INPP4B: variants seen among roughly 807,000 people sequenced by gnomAD.
INPP4B encodes inositol polyphosphate-4-phosphatase type II B.
Under a neutral mutation model 122.5 loss-of-function variants are expected in INPP4B, and 55 were observed. That is an observed-to-expected ratio of 0.45 (90% CI 0.36 to 0.56). The LOEUF is 0.56. Ranked by LOEUF, INPP4B falls within the 20% of genes least tolerant of loss-of-function variation. INPP4B has a pLI of 0.00. For synonymous variants in INPP4B, 403 were observed against 388.7 expected, an observed-to-expected ratio of 1.04 and a Z score of -0.43; for missense variants, 1,000 against 1,097.7, an observed-to-expected ratio of 0.91 and a Z score of 1.26.
At chr4:142,292,778 G>A (rs1192403136) in intron 9 of INPP4B, among the ~76,000 whole-genome samples, 1 of 152,086 alleles carries the variant, frequency 6.6e-6, no homozygotes, top group Non-Finnish European at 1.5e-5. Context: ...ATTTACGTGT[G>A]TGAACATAGG....
At chr4:142,315,141 A>T (rs1307885183) in intron 7 of INPP4B, among the ~76,000 whole-genome samples, 5 of 152,214 alleles carry the variant, frequency 3.3e-5, no homozygotes, top group Non-Finnish European at 5.9e-5. Context: ...GAAATGATAA[A>T]TGTTTGAAAT....
At chr4:142,414,085 G>A (rs1805169100) in intron 5 of INPP4B, among the ~76,000 whole-genome samples, 3 of 152,068 alleles carry the variant, frequency 2.0e-5, no homozygotes, top group Admixed American at 1.3e-4. Flanking sequence ...TGAGATTTGA[G>A]CATCATTGCT....
At chr4:142,279,374 T>G (rs1750117085) in intron 9 of INPP4B, among the ~76,000 whole-genome samples, 1 of 151,886 alleles carries the variant, frequency 6.6e-6, no homozygotes, top group Admixed American at 6.6e-5. Context: ...CTAACTGATT[T>G]TAAGATACAT....
At chr4:142,537,845 A>G (rs1200402500) in intron 2 of INPP4B, among the ~76,000 whole-genome samples, 1 of 151,898 alleles carries the variant, frequency 6.6e-6, no homozygotes, top group Non-Finnish European at 1.5e-5. Flanking sequence ...TTTAATAATT[A>G]TTGCAAAACT....
chr4:142,491,779 C>T (rs976563), intron 2 of INPP4B, among the ~76,000 whole-genome samples: 1 of 152,166 alleles, frequency 6.6e-6, no homozygotes, highest in Non-Finnish European at 1.5e-5. Flanking sequence ...TGCAAGTTAA[C>T]AACACAGTAA....
chr4:142,068,919 T>G (rs938903879), intron 25 of INPP4B, among the ~76,000 whole-genome samples: 9 of 151,382 alleles, frequency 5.9e-5, no homozygotes, highest in Non-Finnish European at 1.2e-4. Flanking sequence ...ATTAGACAGA[T>G]CAACAAGACA....
chr4:142,369,999 G>A (rs1461857159), intron 7 of INPP4B, among the ~76,000 whole-genome samples: 1 of 151,586 alleles, frequency 6.6e-6, no homozygotes, highest in African/African-American at 2.4e-5. Flanking sequence ...CACATGCCTA[G>A]GGAACTTGTG....
intron 1 of INPP4B, among the ~76,000 whole-genome samples, chr4:142,830,877 C>A (rs1488979498): frequency 6.8e-6 from 1 of 147,768 alleles, no homozygotes; most frequent in African/African-American, 2.5e-5. Flanking sequence ...AAAAAATTAT[C>A]CAGGTGTGGT....
At chr4:142,649,730 C>A (rs1011597483) in intron 2 of INPP4B, among the ~76,000 whole-genome samples, 3 of 152,164 alleles carry the variant, frequency 2.0e-5, no homozygotes, top group African/African-American at 4.8e-5. Context: ...AAGACCAAAT[C>A]TATGTTTAAT....
chr4:142,053,105 C>G (rs2645799), intron 25 of INPP4B, among the ~76,000 whole-genome samples: 123,499 of 151,912 alleles, frequency 0.81, 52,374 homozygotes, highest in Non-Finnish European at 0.92. Flanking sequence ...ACAGAGATGT[C>G]GGAGTTTATT....
intron 7 of INPP4B, among the ~76,000 whole-genome samples, chr4:142,356,999 G>A (rs757917148): frequency 3.9e-5 from 6 of 151,908 alleles, no homozygotes; most frequent in Admixed American, 6.6e-5. Flanking sequence ...TGCCAAGAGG[G>A]GGCACACCCC....
intron 23 of INPP4B, among the ~76,000 whole-genome samples, chr4:142,094,000 A>G (rs1398836560): frequency 6.6e-6 from 1 of 152,236 alleles, no homozygotes; most frequent in Non-Finnish European, 1.5e-5. Flanking sequence ...ACCATGGAAT[A>G]TGGTGTTCAG....
chr4:142,512,116 A>G (rs1469357165), intron 2 of INPP4B, among the ~76,000 whole-genome samples: 1 of 152,190 alleles, frequency 6.6e-6, no homozygotes, highest in East Asian at 1.9e-4. Flanking sequence ...ACTCAAAAGC[A>G]GGATAGTAGT....
chr4:142,306,940 C>T (rs755599151), intron 8 of INPP4B, among the ~76,000 whole-genome samples: 3 of 152,092 alleles, frequency 2.0e-5, no homozygotes, highest in Admixed American at 6.6e-5. Context: ...GAAGGAGATA[C>T]CCAAATATTG....
intron 25 of INPP4B, among the ~76,000 whole-genome samples, chr4:142,061,938 A>C (rs28625440): frequency 0.026 from 3,541 of 133,688 alleles, 269 homozygotes; most frequent in African/African-American, 0.11. Flanking sequence ...ATATATATAT[A>C]TATCTGTAAC....
intron 12 of INPP4B, among the ~76,000 whole-genome samples, chr4:142,209,870 T>A (rs1269242442): frequency 6.6e-6 from 1 of 151,728 alleles, no homozygotes; most frequent in Non-Finnish European, 1.5e-5. Flanking sequence ...TGGCTTCAGT[T>A]TCTGCCAAAA....
intron 2 of INPP4B, among the ~76,000 whole-genome samples, chr4:142,510,615 G>C (rs1455594994): frequency 1.3e-5 from 2 of 152,118 alleles, no homozygotes; most frequent in Non-Finnish European, 2.9e-5. Flanking sequence ...ATGTAATGTA[G>C]AGTTCTATTG....
At chr4:142,064,530 T>C (rs550037852) in intron 25 of INPP4B, among the ~76,000 whole-genome samples, 216 of 152,276 alleles carry the variant, frequency 1.4e-3, no homozygotes, top group Non-Finnish European at 2.8e-3. Context: ...TTTTTTTTAA[T>C]GGCAACTACA....
chr4:142,055,685 C>T (rs1757263213), intron 25 of INPP4B, among the ~76,000 whole-genome samples: 2 of 151,438 alleles, frequency 1.3e-5, no homozygotes, highest in South Asian at 4.2e-4. Context: ...ATTTAATTTT[C>T]TACTAAATCT....
Sources: gnomAD v4.1 joint callset for allele counts (sites outside exome capture counted in the v4.1 genomes callset) on GRCh38, gnomAD v4.1.1 for gene constraint, MANE v1.5 for transcripts, NCBI Gene and HGNC (gene_info 2026-07-23, HGNC 2026-07-21) for gene names.